NELL2: variants seen among roughly 807,000 people sequenced by gnomAD.
NELL2 encodes the protein neural EGFL like 2.
A neutral mutation model predicts 109.6 loss-of-function variants in NELL2; 41 were observed. The ratio of observed to expected loss-of-function variants is 0.37; its 90% CI spans 0.29 to 0.49. NELL2 has a LOEUF of 0.49. NELL2 is among the 20% of genes least tolerant of loss of function. NELL2 has a pLI of 0.98. For missense variants in NELL2, 900 were observed against 1,008.3 expected (o/e 0.89, Z 1.45); for synonymous variants, 355 against 344.7 (o/e 1.03, Z -0.33).
chr12:44,549,511 A>G (rs1312486130), intron 15 of NELL2, among the ~76,000 whole-genome samples: 1 of 152,182 alleles, frequency 6.6e-6, no homozygotes, highest in Non-Finnish European at 1.5e-5. Context: ...TTTTGGCTCT[A>G]TTTACTATTG....
At chr12:44,726,384 G>A (rs1364950076) in intron 9 of NELL2, among the ~76,000 whole-genome samples, 2 of 152,104 alleles carry the variant, frequency 1.3e-5, no homozygotes, top group African/African-American at 2.4e-5. Context: ...AAAAAAGTTT[G>A]TGTTGCCTAA....
rs554672152 is a variant in NELL2 at position 44,775,949 on chromosome 12, C to G, written c.891+73G>C. The G allele has an allele frequency of 2.6e-5, 40 of 1,536,296 alleles. No homozygotes were observed. The East Asian group carries it at 9.2e-4, about 35-fold the overall frequency. ...ATGGGTCTTGAAATTTTCATGATTA[C>G]ATTGTTTTAATAAATTTTTAAAGAG... On this transcript the variant is annotated intron_variant, in intron 8 of 19. Transcript: ENST00000429094.
chr12:44,631,319 G>A (rs1946450689), intron 13 of NELL2, among the ~76,000 whole-genome samples: 1 of 150,912 alleles, frequency 6.6e-6, no homozygotes, highest in Non-Finnish European at 1.5e-5. Flanking sequence ...ATGTTATGGG[G>A]AAAACACATC....
chr12:44,586,237 C>A (rs1944495151), intron 15 of NELL2, among the ~76,000 whole-genome samples: 1 of 147,700 alleles, frequency 6.8e-6, no homozygotes, highest in African/African-American at 2.5e-5. Flanking sequence ...AATTGAAAAC[C>A]ACTATTGTAG....
intron 15 of NELL2, among the ~76,000 whole-genome samples, chr12:44,603,571 T>G (rs899627203): frequency 1.3e-5 from 2 of 152,158 alleles, no homozygotes; most frequent in African/African-American, 4.8e-5. Flanking sequence ...ATAATCACCC[T>G]GCTAAATCCA....
rs540953923 is a variant in NELL2, at chr12:44,852,474, A to G, written c.184+22751T>C. 4.6e-5 allele frequency among the ~76,000 whole-genome samples: 7 copies of G among 152,332 alleles called. 1 individual carries two copies. The South Asian group carries it at 1.4e-3, about 32-fold the overall frequency. The stretch of plus-strand genomic sequence containing the variant: ...AAAGCTTTGTTACACACAGATGGGA[A>G]CAGTTTAAACATTCCCTCTCTTTTC... On this transcript the variant is annotated intron_variant, in intron 2 of 19. Transcript: ENST00000429094.
chr12:44,896,300 A>G (rs1219704921), intron 1 of NELL2, among the ~76,000 whole-genome samples: 2 of 152,202 alleles, frequency 1.3e-5, no homozygotes, highest in African/African-American at 2.4e-5. Flanking sequence ...AAGAAAATGT[A>G]TATTTTAGTT....
chr12:44,720,460 T>C (rs1329140886), intron 9 of NELL2, among the ~76,000 whole-genome samples: 1 of 152,148 alleles, frequency 6.6e-6, no homozygotes, highest in Non-Finnish European at 1.5e-5. Context: ...AGTCTGCCCT[T>C]TCTGTAAAAT....
chr12:44,543,729 T>A (rs1393626862), intron 15 of NELL2, among the ~76,000 whole-genome samples: 1 of 152,140 alleles, frequency 6.6e-6, no homozygotes, highest in African/African-American at 2.4e-5. Flanking sequence ...GCAATCAGTG[T>A]CAGTGATTCT....
chr12:44,707,640 T>G (rs78930428), intron 11 of NELL2, among the ~76,000 whole-genome samples: 9,332 of 152,228 alleles, frequency 0.061, 948 homozygotes, highest in African/African-American at 0.21. Flanking sequence ...GTAACTCATG[T>G]ACGTGGATGA....
At chr12:44,534,454 A>G (rs997427318) in intron 15 of NELL2, among the ~76,000 whole-genome samples, 2 of 152,150 alleles carry the variant, frequency 1.3e-5, no homozygotes, top group African/African-American at 4.8e-5. Context: ...GTGACTGACC[A>G]AATCGGCTAA....
chr12:44,640,628 C>T (rs1396382551), intron 13 of NELL2, among the ~76,000 whole-genome samples: 1 of 151,580 alleles, frequency 6.6e-6, no homozygotes, highest in Non-Finnish European at 1.5e-5. Context: ...GGTTGCATAG[C>T]AACAAGGATT....
At chr12:44,787,558 C>CT (rs1310773558) in intron 3 of NELL2, among the ~76,000 whole-genome samples, 1 of 152,080 alleles carries the variant, frequency 6.6e-6, no homozygotes, top group Non-Finnish European at 1.5e-5. Flanking sequence ...AATTCAAAGA[C>CT]TTTATACAGT....
chr12:44,706,737 A>T (rs1937903437), intron 11 of NELL2, among the ~76,000 whole-genome samples: 1 of 152,210 alleles, frequency 6.6e-6, no homozygotes, highest in Admixed American at 6.5e-5. Flanking sequence ...CCATAAAAGA[A>T]AATTCAAATA....
chr12:44,575,581 G>T (rs936157239), intron 15 of NELL2, among the ~76,000 whole-genome samples: 4 of 152,182 alleles, frequency 2.6e-5, no homozygotes, highest in Admixed American at 2.0e-4. Flanking sequence ...ACTGCATTTT[G>T]CTGGATTAAT....
rs113339057 is a variant in NELL2 at position 44,854,344 on chromosome 12, T to A, written c.184+20881A>T. ...AGATACACAATGCACAGCACAGGAG[T>A]AAAGGGCAGGATATCTCTCAGTAGC... is the stretch of plus-strand genomic sequence containing the variant. On this transcript the variant is annotated intron_variant, in intron 2 of 19. Transcript: ENST00000429094. 8.1e-3 allele frequency among the ~76,000 whole-genome samples: 1,236 copies of A among 151,720 alleles called. 17 individuals carry two copies. The highest frequency in any genetic ancestry group is 0.028 in the African/African-American group (1,156 of 41,340).
At chr12:44,661,059 C>T (rs1947724401) in intron 13 of NELL2, among the ~76,000 whole-genome samples, 1 of 152,110 alleles carries the variant, frequency 6.6e-6, no homozygotes, top group Non-Finnish European at 1.5e-5. Flanking sequence ...CTGGCATGTG[C>T]ATTAAGAGAC....
At chr12:44,537,233 T>C (rs1942336129) in intron 15 of NELL2, among the ~76,000 whole-genome samples, 1 of 152,118 alleles carries the variant, frequency 6.6e-6, no homozygotes, top group African/African-American at 2.4e-5. Context: ...AATTATTTCT[T>C]GTAAAATTAA....
chr12:44,620,886 G>A (rs1448594029), intron 13 of NELL2, among the ~76,000 whole-genome samples: 2 of 152,056 alleles, frequency 1.3e-5, no homozygotes, highest in African/African-American at 2.4e-5. Context: ...ACCATTATCA[G>A]AATAACTTTT....
Sources: allele counts gnomAD v4.1 joint callset (sites outside exome capture counted in the v4.1 genomes callset), GRCh38; gene constraint gnomAD v4.1.1; transcripts MANE v1.5; gene names NCBI Gene and HGNC (gene_info 2026-07-23, HGNC 2026-07-21).